Variants in OR8G5 observed in about 807,000 individuals in gnomAD.
The protein encoded by OR8G5 is olfactory receptor 8G5.
For missense variants in OR8G5, 347 were observed against 371.9 expected (o/e 0.93, Z 0.55); for synonymous variants, 147 against 147.7 (o/e 1.00, Z 0.03).
intron 1 of OR8G5, among the ~76,000 whole-genome samples, chr11:124,258,370 A>G (rs1379571001): frequency 6.6e-6 from 1 of 152,064 alleles, no homozygotes; most frequent in Non-Finnish European, 1.5e-5. Context: ...TAGCCTGACC[A>G]ACATAGCGAA....
intron 1 of OR8G5, among the ~76,000 whole-genome samples, chr11:124,264,294 C>G (rs528760619): frequency 1.5e-4 from 23 of 152,276 alleles, no homozygotes; most frequent in Non-Finnish European, 2.4e-4. Flanking sequence ...ACTACTCATT[C>G]TGTTTCCCTC....
rs1468007846 is a variant in OR8G5, at chr11:124,265,394, T to A, written c.463T>A (p.Cys155Ser). 4.3e-6 allele frequency: 7 copies of A among 1,613,942 alleles called. No individual in the cohort carries two copies. The African/African-American group carries it at 8.0e-5, about 18-fold the overall frequency. The change falls in exon 2 of 2, where the codon TGT becomes AGT. Residue 155 changes from cysteine (C) to serine (S), a missense_variant. Cys to Ser is a moderately radical substitution (Grantham distance 112). Coordinates refer to ENST00000641992, the MANE Select transcript of OR8G5 (RefSeq NM_001005198.2). The part of the protein sequence containing the change: ...ILVVYVIGLI[C>S]ASAHIGCMFR... Reference sequence around the variant, plus strand: ...AGTGGTGTATGTAATAGGCCTGATTTGTGCGTCAGCTCATATAGGCTGTAT... The same window carrying A: ...AGTGGTGTATGTAATAGGCCTGATTAGTGCGTCAGCTCATATAGGCTGTAT...
intron 1 of OR8G5, among the ~76,000 whole-genome samples, chr11:124,260,708 A>T (rs1433242244): frequency 6.6e-6 from 1 of 151,800 alleles, no homozygotes; most frequent in Non-Finnish European, 1.5e-5. Context: ...GTTGATACAT[A>T]ATTGTACATA....
At chr11:124,258,272 C>CAT (rs1227589169) in intron 1 of OR8G5, among the ~76,000 whole-genome samples, 1 of 152,022 alleles carries the variant, frequency 6.6e-6, no homozygotes, top group Non-Finnish European at 1.5e-5. Context: ...AAAAGACATT[C>CAT]ATGGCCAGGC....
chr11:124,261,886 A>G (rs1204152185), intron 1 of OR8G5, among the ~76,000 whole-genome samples: 4 of 151,980 alleles, frequency 2.6e-5, no homozygotes, highest in Non-Finnish European at 5.9e-5. Flanking sequence ...GACTTCTGTA[A>G]AGTTAACAGT....
rs907462402 is a variant in OR8G5, at chr11:124,266,208, T to C, written c.*341T>C. On this transcript the variant is annotated 3_prime_UTR_variant, in exon 2 of 2. Transcript: ENST00000641992. ...TCAACATAATAAAAACACTATCTTC[T>C]GGTGATAAAATACTATCATGCGGTG... The C allele has an allele frequency of 6.5e-5, 14 of 215,730 alleles. No individual in the cohort carries two copies. Among genetic ancestry groups the C allele is most frequent in the African/African-American group, 3.0e-4 (13 of 43,062 alleles). The allele number at this position is 215,730 out of a possible 1,614,324, so 13.4% of individuals were successfully genotyped here.
Position 124,265,862 on chromosome 11 carries a change from T to C in OR8G5, c.931T>C (p.Leu311=). ...LKKTLGKRTF[L] ...GAAAACGCTAGGGAAAAGAACATTC[T>C]TATGAACAGAAGTACAATGAAAAAG... Residue 311 remains leucine, a synonymous_variant, in exon 2 of 2, where the codon TTA becomes CTA. Transcript: ENST00000641992. 6.2e-7 allele frequency: 1 copy of C among 1,607,734 alleles called. No homozygotes were observed. The highest frequency in any genetic ancestry group is 1.1e-5 in the South Asian group (1 of 90,248).
At chr11:124,259,248 A>G (rs530272560) in intron 1 of OR8G5, among the ~76,000 whole-genome samples, 1 of 152,296 alleles carries the variant, frequency 6.6e-6, no homozygotes, top group South Asian at 2.1e-4. Flanking sequence ...GTGGTAGCAA[A>G]TCTATATTAA....
chr11:124,261,893 C>G (rs1285860567), intron 1 of OR8G5, among the ~76,000 whole-genome samples: 1 of 151,854 alleles, frequency 6.6e-6, no homozygotes, highest in South Asian at 2.1e-4. Context: ...GTAAAGTTAA[C>G]AGTTTACTTT....
intron 1 of OR8G5, among the ~76,000 whole-genome samples, chr11:124,260,845 A>G (rs958056389): frequency 6.6e-6 from 1 of 151,878 alleles, no homozygotes; most frequent in African/African-American, 2.4e-5. Context: ...TAAACCTTCT[A>G]CCTATTTAAA....
chr11:124,265,162 T>A lies in OR8G5; in HGVS notation c.231T>A (p.Ile77=), dbSNP rs2137761941. The change falls in exon 2 of 2, where the codon ATT becomes ATA. Residue 77 remains isoleucine, a synonymous_variant. Coordinates refer to ENST00000641992, the MANE Select transcript of OR8G5 (RefSeq NM_001005198.2). ...SFIDFCHSTV[I]TPKMLVNFVT... Reference sequence around the variant, plus strand: ...TTGACTTCTGCCATTCCACTGTCATTACCCCTAAGATGCTGGTGAACTTTG... The same window carrying A: ...TTGACTTCTGCCATTCCACTGTCATAACCCCTAAGATGCTGGTGAACTTTG... 6.2e-7 allele frequency: 1 copy of A among 1,614,128 alleles called. No individual in the cohort carries two copies. The highest frequency in any genetic ancestry group is 1.1e-5 in the South Asian group (1 of 91,084).
In OR8G5 at chr11:124,265,835, A is replaced by T. The variant is rs1470068197; in HGVS notation, c.904A>T (p.Lys302Ter). 1 of 1,613,448 alleles carries T rather than the reference A, an allele frequency of 6.2e-7. No individual in the cohort carries two copies. ...LRNKDVHVALKKTLGKRTFL is the reference protein window; with the variant it reads ...LRNKDVHVAL ...GAATAAAGATGTCCACGTTGCCCTG[A>T]AGAAAACGCTAGGGAAAAGAACATT... Residue 302 changes from lysine (K) to a stop codon, truncating the protein, a stop_gained, in exon 2 of 2, where the codon AAG becomes TAG. Coordinates refer to ENST00000641992, the MANE Select transcript of OR8G5 (RefSeq NM_001005198.2). LOFTEE classifies it low-confidence loss of function (END_TRUNC).
rs116888788 is a variant in OR8G5 at position 124,256,918 on chromosome 11, A to G, written c.-15+284A>G. Among the ~76,000 whole-genome samples the G allele has an allele frequency of 3.9e-4, 59 of 152,346 alleles. No homozygotes were observed. In the East Asian group the frequency reaches 0.011, roughly 28 times the overall value. Reference sequence around the variant, plus strand: ...TCTGAGCATGCAGTAGAAAGGTCCAATCAATTACAAGGAATTGGAGAATGG... The same window carrying G: ...TCTGAGCATGCAGTAGAAAGGTCCAGTCAATTACAAGGAATTGGAGAATGG... On this transcript the variant is annotated intron_variant, in intron 1 of 1. Transcript: ENST00000641992.
In OR8G5 at chr11:124,265,330, C is replaced by T. The variant is rs759552491; in HGVS notation, c.399C>T (p.Ser133=). The T allele has an allele frequency of 1.4e-5, 22 of 1,613,908 alleles. No individual in the cohort carries two copies. The highest frequency in any genetic ancestry group is 5.5e-5 in the South Asian group (5 of 91,086). Residue 133 remains serine, a synonymous_variant, in exon 2 of 2, where the codon AGC becomes AGT. Transcript: ENST00000641992. ...CCATCTGTAGCCCCTTGCTGTACAG[C>T]ATCATCATATCCAATAAGGCTTGCT... ...YVAICSPLLY[S]IIISNKACFS...
At chr11:124,258,637 T>C (rs2466676) in intron 1 of OR8G5, among the ~76,000 whole-genome samples, 74,252 of 151,906 alleles carry the variant, frequency 0.49, 18,786 homozygotes, top group East Asian at 0.58. Context: ...TTTAATATGA[T>C]AGGCATAGAA....
Position 124,265,278 on chromosome 11 carries a change from C to A in OR8G5, c.347C>A (p.Ala116Asp), listed in dbSNP as rs765588316. The A allele has an allele frequency of 6.2e-7, 1 of 1,614,052 alleles. No individual in the cohort carries two copies. Among genetic ancestry groups the A allele is most frequent in the Non-Finnish European group, 8.5e-7 (1 of 1,179,912 alleles). ...VFAIAECHML[A>D]AMAYDGYVAI... is the part of the protein sequence containing the mutation. ...GCTATTGCAGAGTGTCACATGTTGGCTGCAATGGCATATGACGGCTACGTG... is the reference window on the plus strand; with the variant it reads ...GCTATTGCAGAGTGTCACATGTTGGATGCAATGGCATATGACGGCTACGTG... Residue 116 changes from alanine (A) to aspartate (D), a missense_variant, in exon 2 of 2, where the codon GCT becomes GAT. By Grantham distance (126) the Ala-to-Asp change is moderately radical (BLOSUM62 -2). Coordinates refer to ENST00000641992, the MANE Select transcript of OR8G5 (RefSeq NM_001005198.2).
rs1343313781 is a variant in OR8G5, at chr11:124,256,416, A to G, written c.-233A>G. 2.0e-5 allele frequency: 3 copies of G among 152,188 alleles called. No individual in the cohort carries two copies. In the East Asian group the frequency reaches 5.8e-4, roughly 29 times the overall value. The allele number at this position is 152,188 out of a possible 1,614,324, so 9.4% of individuals were successfully genotyped here. On this transcript the variant is annotated 5_prime_UTR_variant, in exon 1 of 2. Transcript: ENST00000641992. ...GGGAGGATGTGTGCTAGAGCTAGAG[A>G]AACACAACTGAAAAGTGACAACTGG...
At chr11:124,261,914 C>T (rs1028681541) in intron 1 of OR8G5, among the ~76,000 whole-genome samples, 7 of 151,714 alleles carry the variant, frequency 4.6e-5, no homozygotes, top group African/African-American at 7.3e-5. Context: ...CTATAATCCA[C>T]GGAACAACAC....
intron 1 of OR8G5, among the ~76,000 whole-genome samples, chr11:124,262,237 A>G (rs1489141117): frequency 6.6e-6 from 1 of 151,820 alleles, no homozygotes; most frequent in East Asian, 1.9e-4. Context: ...AAATTGACAG[A>G]CTTCTAGCAT....
Sources: allele counts gnomAD v4.1 joint callset (sites outside exome capture counted in the v4.1 genomes callset), GRCh38; gene constraint gnomAD v4.1.1; transcripts MANE v1.5; gene names NCBI Gene and HGNC (gene_info 2026-07-23, HGNC 2026-07-21).